TRAF3IP1: variants seen among roughly 807,000 people sequenced by gnomAD.
TRAF3IP1 encodes TRAF3-interacting protein 1.
A neutral mutation model predicts 89.9 loss-of-function variants in TRAF3IP1; 53 were observed. That is an observed-to-expected ratio of 0.59 (90% CI 0.47 to 0.74). TRAF3IP1 has a LOEUF of 0.74. Ranked by LOEUF, TRAF3IP1 falls within the 30% of genes least tolerant of loss-of-function variation. TRAF3IP1 has a pLI of 0.00. For synonymous variants in TRAF3IP1, 311 were observed against 322.1 expected (o/e 0.97, Z 0.37); for missense variants, 806 against 866.1 (o/e 0.93, Z 0.87).
At position 238,352,917 on chromosome 2, in the gene TRAF3IP1, C is replaced by A. The variant is rs768276720; in HGVS notation, c.1542C>A (p.Ala514=). 4 of 1,612,664 alleles carry A rather than the reference C, an allele frequency of 2.5e-6. No individual in the cohort carries two copies. The Admixed American group carries it at 6.7e-5, about 27-fold the overall frequency. The part of the protein sequence containing the change: ...EEDDQFVVEA[A]PQLSEMSEIE... ...ATGATCAATTTGTGGTGGAAGCTGC[C>A]CCTCAGCTCTCTGAAATGTCAGAAA... The change falls in exon 13 of 17, where the codon GCC becomes GCA. Residue 514 remains alanine, a synonymous_variant. Coordinates refer to ENST00000373327, the MANE Select transcript of TRAF3IP1 (RefSeq NM_015650.4).
intron 15 of TRAF3IP1, among the ~76,000 whole-genome samples, chr2:238,378,368 T>C (rs1404288349): frequency 1.3e-5 from 2 of 152,234 alleles, no homozygotes; most frequent in African/African-American, 2.4e-5. Context: ...GCACCTGCCA[T>C]GTGCTAGGCA....
At chr2:238,354,663 A>AT (rs1699327014) in intron 14 of TRAF3IP1, among the ~76,000 whole-genome samples, 1 of 151,770 alleles carries the variant, frequency 6.6e-6, no homozygotes, top group African/African-American at 2.4e-5. Flanking sequence ...TTATGTATTT[A>AT]TTTTTGACAT....
intron 1 of TRAF3IP1, 49 bp downstream of exon 1, chr2:238,320,834 G>GGGCGCCGAGGTCAGGGCCCGGGCCGGGT: frequency 7.6e-7 from 1 of 1,324,470 alleles, no homozygotes; most frequent in Non-Finnish European, 9.8e-7. Flanking sequence ...GGATTCCGGT[G>GGGCGCCGAGGTCAGGGCCCGGGCCGGGT]GGCGCCGAGG....
At chr2:238,340,415 G>A (rs1406205772) in intron 8 of TRAF3IP1, among the ~76,000 whole-genome samples, 3 of 152,132 alleles carry the variant, frequency 2.0e-5, no homozygotes, top group Non-Finnish European at 4.4e-5. Flanking sequence ...CCCGGCCCTC[G>A]TGAGCCCTGT....
Position 238,400,062 on chromosome 2 carries a change from A to AG in TRAF3IP1, c.*1144dup, listed in dbSNP as rs1344270040. 1.3e-5 allele frequency: 2 copies of AG among 151,504 alleles called. No homozygotes were observed. Among genetic ancestry groups the AG allele is most frequent in the Non-Finnish European group, 2.9e-5 (2 of 67,956 alleles). The allele number at this position is 151,504 out of a possible 1,614,324, so 9.4% of individuals were successfully genotyped here. On this transcript the variant is annotated 3_prime_UTR_variant, in exon 17 of 17. Coordinates refer to ENST00000373327, the MANE Select transcript of TRAF3IP1 (RefSeq NM_015650.4). Reference sequence around the variant, plus strand: ...ATGTAAACTGAGGAGTGCCATTTAAAGTGTGAGGATTGCCTGAAAAGGTTT... The same window carrying AG: ...ATGTAAACTGAGGAGTGCCATTTAAAGGTGTGAGGATTGCCTGAAAAGGTTT...
At chr2:238,363,400 A>C (rs1364401509) in intron 15 of TRAF3IP1, among the ~76,000 whole-genome samples, 1 of 152,244 alleles carries the variant, frequency 6.6e-6, no homozygotes, top group Non-Finnish European at 1.5e-5. Flanking sequence ...CTTGAATTTT[A>C]ATATGAAGTA....
intron 16 of TRAF3IP1, among the ~76,000 whole-genome samples, chr2:238,398,456 G>C (rs1425311762): frequency 6.8e-6 from 1 of 145,988 alleles, no homozygotes; most frequent in Non-Finnish European, 1.5e-5. Context: ...TAGTGGAGGG[G>C]GGATCCCCAA....
chr2:238,384,577 G>A (rs1219330974), intron 15 of TRAF3IP1, among the ~76,000 whole-genome samples: 4 of 131,374 alleles, frequency 3.0e-5, no homozygotes, highest in Non-Finnish European at 6.4e-5. Context: ...TTTTAAATAC[G>A]TTTTACCATG....
intron 1 of TRAF3IP1, among the ~76,000 whole-genome samples, chr2:238,322,148 C>T (rs576548868): frequency 3.9e-5 from 6 of 152,334 alleles, no homozygotes; most frequent in South Asian, 4.1e-4. Flanking sequence ...ACCACCGTCC[C>T]GTGAAGTAGG....
In TRAF3IP1 at chr2:238,353,252, T is replaced by C. The variant is rs371369731; in HGVS notation, c.1612+43T>C. The C allele has an allele frequency of 3.9e-5, 62 of 1,604,648 alleles. No individual in the cohort carries two copies. The African/African-American group carries it at 5.2e-4, about 13-fold the overall frequency. On this transcript the variant is annotated intron_variant, in intron 14 of 16. Coordinates refer to ENST00000373327, the MANE Select transcript of TRAF3IP1 (RefSeq NM_015650.4). Reference sequence around the variant, plus strand: ...GTGTGCATGTATGTCCATGTGTGTGTGCTCATGCACCTTCTCCACGTGGGC... The same window carrying C: ...GTGTGCATGTATGTCCATGTGTGTGCGCTCATGCACCTTCTCCACGTGGGC...
chr2:238,326,975 A>G (rs1473360044), intron 3 of TRAF3IP1, among the ~76,000 whole-genome samples: 2 of 152,212 alleles, frequency 1.3e-5, no homozygotes, highest in Admixed American at 6.5e-5. Context: ...TCTAAAAAGC[A>G]CATCTGGCTC....
intron 15 of TRAF3IP1, among the ~76,000 whole-genome samples, chr2:238,381,119 T>G (rs1047432568): frequency 2.0e-5 from 3 of 150,622 alleles, no homozygotes; most frequent in Non-Finnish European, 3.0e-5. Context: ...GGGTTTTTTT[T>G]TTTTTAATTA....
intron 15 of TRAF3IP1, among the ~76,000 whole-genome samples, chr2:238,387,069 A>G (rs917891863): frequency 6.6e-6 from 1 of 152,250 alleles, no homozygotes; most frequent in African/African-American, 2.4e-5. Flanking sequence ...AGTCACCTAC[A>G]GATGAGACAG....
intron 15 of TRAF3IP1, among the ~76,000 whole-genome samples, chr2:238,384,863 G>A (rs368633377): frequency 6.6e-6 from 1 of 152,186 alleles, no homozygotes; most frequent in South Asian, 2.1e-4. Flanking sequence ...TTCTAGGATC[G>A]AAACTCTGTT....
Position 238,348,826 on chromosome 2 carries a change from A to G in TRAF3IP1, c.1345A>G (p.Asn449Asp), listed in dbSNP as rs1400893534. 3 of 1,614,148 alleles carry G rather than the reference A, an allele frequency of 1.9e-6. No individual in the cohort carries two copies. The highest frequency in any genetic ancestry group is 2.5e-6 in the Non-Finnish European group (3 of 1,179,994). The stretch of plus-strand genomic sequence containing the variant: ...GGTGCCAGAGACTCCAGAAATTCCT[A>G]ATGAGCTTTCATCCAACATCAGGTC... ...SEVPETPEIP[N>D]ELSSNIRRIP... is the part of the protein sequence containing the mutation. The change falls in exon 11 of 17, where the codon AAT becomes GAT. Residue 449 changes from asparagine (N) to aspartate (D), a missense_variant. Coordinates refer to ENST00000373327, the MANE Select transcript of TRAF3IP1 (RefSeq NM_015650.4).
intron 15 of TRAF3IP1, among the ~76,000 whole-genome samples, chr2:238,383,646 C>T (rs755769645): frequency 2.6e-5 from 4 of 152,146 alleles, no homozygotes; most frequent in Non-Finnish European, 5.9e-5. Flanking sequence ...AATCTTGGGT[C>T]GTCTAGATTG....
rs1342084777 is a variant in TRAF3IP1 at position 238,345,792 on chromosome 2, C to T, written c.1261+1194C>T. 6.6e-6 allele frequency among the ~76,000 whole-genome samples: 1 copy of T among 151,942 alleles called. No homozygotes were observed. Among genetic ancestry groups the T allele is most frequent in the Admixed American group, 6.6e-5 (1 of 15,258 alleles). ...TGCTGGCGCTGGGTGATGGCAGGAG[C>T]CTGGGTGGGGACTGGGTCACCTAGG... On this transcript the variant is annotated intron_variant, in intron 9 of 16. Transcript: ENST00000373327. This position sits in a 1 kb window ranked among gnomAD's most constrained non-coding sequence, Gnocchi z 4.7.
At chr2:238,356,731 A>G (rs1443473160) in intron 15 of TRAF3IP1, among the ~76,000 whole-genome samples, 1 of 150,702 alleles carries the variant, frequency 6.6e-6, no homozygotes, top group Non-Finnish European at 1.5e-5. Flanking sequence ...GCAGACTGGG[A>G]GGCTGGCTGC....
intron 15 of TRAF3IP1, among the ~76,000 whole-genome samples, chr2:238,380,664 A>G (rs1194745456): frequency 2.6e-5 from 4 of 152,174 alleles, no homozygotes; most frequent in Non-Finnish European, 5.9e-5. Context: ...GAGCAGCCTC[A>G]GTTACCTGTG....
Sources: gnomAD v4.1 joint callset for allele counts (sites outside exome capture counted in the v4.1 genomes callset) on GRCh38, gnomAD v4.1.1 for gene constraint, Gnocchi (gnomAD v3.1) non-coding constraint, MANE v1.5 for transcripts, NCBI Gene and HGNC (gene_info 2026-07-23, HGNC 2026-07-21) for gene names.